Variants in CSMD2 observed in about 807,000 individuals in gnomAD.
CSMD2 encodes the protein CUB and sushi domain-containing protein 2.
In CSMD2, 130 loss-of-function variants were observed where a neutral mutation model predicts 398.5. The observed-to-expected ratio is 0.33, with a 90% confidence interval of 0.28 to 0.38. The LOEUF is 0.38. Among genes scored for constraint, CSMD2 ranks in the 10% least tolerant of loss-of-function variants. The pLI, the probability that CSMD2 is intolerant of heterozygous loss-of-function variation, is 1.00. For missense variants in CSMD2, 3,829 were observed against 4,764.9 expected (o/e 0.80, Z 5.78); for synonymous variants, 1,828 against 1,908.5 (o/e 0.96, Z 1.10).
intron 3 of CSMD2, among the ~76,000 whole-genome samples, chr1:33,995,334 A>G (rs1646692941): frequency 6.6e-6 from 1 of 152,186 alleles, no homozygotes; most frequent in Non-Finnish European, 1.5e-5. Flanking sequence ...GACTCACCCA[A>G]GTTAAGCCCT....
chr1:33,736,345 G>A (rs1479779360), intron 15 of CSMD2, among the ~76,000 whole-genome samples: 6 of 152,106 alleles, frequency 3.9e-5, no homozygotes, highest in African/African-American at 1.2e-4. Context: ...GCTGGGTGTG[G>A]TGGTGGGCGC....
rs966103231 is a variant in CSMD2 at position 33,637,027 on chromosome 1, C to G, written c.4775-473G>C. Among the ~76,000 whole-genome samples the G allele has an allele frequency of 2.0e-5, 3 of 152,228 alleles. No individual in the cohort carries two copies. In the South Asian group the frequency reaches 6.2e-4, roughly 32 times the overall value. On this transcript the variant is annotated intron_variant, in intron 29 of 70. Coordinates refer to ENST00000373381, the MANE Select transcript of CSMD2 (RefSeq NM_001281956.2). ...GCAGCCTCCTGGCCTTTTGTGTTCA[C>G]CTGAGAAGCAGGGCAGACAGTCTGC...
chr1:33,857,443 G>T (rs1639179334), intron 5 of CSMD2, among the ~76,000 whole-genome samples: 1 of 152,102 alleles, frequency 6.6e-6, no homozygotes, highest in Non-Finnish European at 1.5e-5. Context: ...GAGTAGAGTT[G>T]TAGCTGGCCC....
At chr1:34,037,421 C>T (rs1256757143) in intron 2 of CSMD2, among the ~76,000 whole-genome samples, 2 of 152,206 alleles carry the variant, frequency 1.3e-5, no homozygotes, top group Non-Finnish European at 2.9e-5. Context: ...CACCAGTTGC[C>T]CTTTCCCTCC....
At chr1:33,735,443 A>T (rs748375746) in intron 15 of CSMD2, among the ~76,000 whole-genome samples, 4 of 152,100 alleles carry the variant, frequency 2.6e-5, no homozygotes, top group Non-Finnish European at 4.4e-5. Flanking sequence ...TGCCTTCACT[A>T]CCCGGAAGTC....
In CSMD2 at chr1:33,918,083, G is replaced by A. The variant is rs1208937853; in HGVS notation, c.920+11C>T. ...GAATAGGGTAGGAAAGGAAGGTGAT[G>A]TTGTGCTTACCAGAGGGAGGAGCCT... is the stretch of plus-strand genomic sequence containing the variant. On this transcript the variant is annotated intron_variant, in intron 5 of 70. Transcript: ENST00000373381. The A allele has an allele frequency of 5.0e-6, 8 of 1,611,374 alleles. No homozygotes were observed. The East Asian group carries it at 1.8e-4, about 36-fold the overall frequency.
chr1:33,888,966 T>C (rs1484714676), intron 5 of CSMD2, among the ~76,000 whole-genome samples: 4 of 152,066 alleles, frequency 2.6e-5, no homozygotes, highest in Admixed American at 2.0e-4. Context: ...GAGACGGAGT[T>C]TCACCATGTT....
chr1:34,161,327 T>A (rs1286052146), intron 1 of CSMD2, among the ~76,000 whole-genome samples: 1 of 152,140 alleles, frequency 6.6e-6, no homozygotes, highest in Non-Finnish European at 1.5e-5. Context: ...TCAGGAGAGA[T>A]GTCTTGGCAG....
Position 33,636,313 on chromosome 1 carries a change from C to A in CSMD2, c.4969+47G>T. On this transcript the variant is annotated intron_variant, in intron 30 of 70. Coordinates refer to ENST00000373381, the MANE Select transcript of CSMD2 (RefSeq NM_001281956.2). The surrounding 1 kb of genome is among the most constrained non-coding windows in gnomAD (Gnocchi z 4.8). ...AGCCCACAGCACCCTCTGCCCCTGG[C>A]ATGCCCTCAGTTCCTCAGACCCCTG... 6.6e-7 allele frequency: 1 copy of A among 1,516,462 alleles called. No individual in the cohort carries two copies. Among genetic ancestry groups the A allele is most frequent in the East Asian group, 2.5e-5 (1 of 40,596 alleles). The allele number at this position is 1,516,462 out of a possible 1,614,324, so 93.9% of individuals were successfully genotyped here.
intron 4 of CSMD2, among the ~76,000 whole-genome samples, chr1:33,920,302 G>A (rs1178242462): frequency 6.6e-6 from 1 of 151,664 alleles, no homozygotes; most frequent in Non-Finnish European, 1.5e-5. Context: ...GCCGAGGTGG[G>A]CGGATCAACT....
intron 55 of CSMD2, among the ~76,000 whole-genome samples, chr1:33,551,238 C>T (rs1043922623): frequency 6.6e-6 from 1 of 152,108 alleles, no homozygotes; most frequent in Admixed American, 6.5e-5. Context: ...TGAGCCAGGA[C>T]AGAATGGAAG....
At chr1:33,601,045 A>G in intron 43 of CSMD2, 35 bp from the exon 44 acceptor site, 1 of 1,612,946 alleles carries the variant, frequency 6.2e-7, no homozygotes, top group South Asian at 1.1e-5. Flanking sequence ...GCATGTCACT[A>G]GTCACCATGG....
intron 22 of CSMD2, among the ~76,000 whole-genome samples, chr1:33,704,488 C>T (rs919426965): frequency 2.6e-5 from 4 of 152,028 alleles, no homozygotes; most frequent in Non-Finnish European, 5.9e-5. Context: ...TAGGAAAGTT[C>T]TATTTGTAGT....
At chr1:34,078,233 G>C (rs141043544) in intron 2 of CSMD2, among the ~76,000 whole-genome samples, 2 of 151,974 alleles carry the variant, frequency 1.3e-5, no homozygotes, top group African/African-American at 4.8e-5. Context: ...CCCACTGTCT[G>C]TGTGGGAAGG....
intron 1 of CSMD2, among the ~76,000 whole-genome samples, chr1:34,135,319 C>T (rs975561598): frequency 6.0e-5 from 9 of 150,648 alleles, no homozygotes; most frequent in Admixed American, 4.0e-4. Context: ...TGGGGTAGCC[C>T]AAAACTAGAA....
rs1655473342 is a variant in CSMD2, at chr1:33,533,671, G to A, written c.9991+125C>T. 4.5e-6 allele frequency: 3 copies of A among 661,046 alleles called. No individual in the cohort carries two copies. The Admixed American group carries it at 7.7e-5, about 17-fold the overall frequency. The allele number at this position is 661,046 out of a possible 1,614,324, so 40.9% of individuals were successfully genotyped here. On this transcript the variant is annotated intron_variant, in intron 63 of 70. Coordinates refer to ENST00000373381, the MANE Select transcript of CSMD2 (RefSeq NM_001281956.2). The surrounding 1 kb of genome is among the most constrained non-coding windows in gnomAD (Gnocchi z 4.2). ...GGCCCCAAAGTGTAAGGACTACAAA[G>A]AGACCGATGTCGGTTCGCATGGGGA...
chr1:33,567,694 C>G lies in CSMD2; in HGVS notation c.8279G>C (p.Ser2760Thr). ...GCCAGCATTGCATTGGTACACCACA[C>G]TGCCCCGGTAGCTGTAGTTCTCCCC... ...INGENYSYRG[S>T]VVYQCNAGFR... The change falls in exon 53 of 71, where the codon AGT becomes ACT. Residue 2760 changes from serine to threonine, a missense_variant. Around this residue, in one of 5 missense-constraint regions of CSMD2, gnomAD observed 917 missense variants for 1,199.5 expected, o/e 0.76. Coordinates refer to ENST00000373381, the MANE Select transcript of CSMD2 (RefSeq NM_001281956.2). 1.2e-6 allele frequency: 2 copies of G among 1,614,214 alleles called. No individual in the cohort carries two copies. The highest frequency in any genetic ancestry group is 1.7e-6 in the Non-Finnish European group (2 of 1,180,040).
intron 62 of CSMD2, among the ~76,000 whole-genome samples, chr1:33,536,649 G>A (rs1293842260): frequency 9.9e-5 from 15 of 152,216 alleles, no homozygotes; most frequent in Admixed American, 9.2e-4. Flanking sequence ...CCTGCCTCCT[G>A]TGTGGCACAT....
intron 3 of CSMD2, among the ~76,000 whole-genome samples, chr1:34,007,118 C>T (rs749951508): frequency 4.6e-5 from 7 of 152,116 alleles, no homozygotes; most frequent in Non-Finnish European, 7.4e-5. Context: ...TCCAGAATTG[C>T]ATCCAAGATG....
Sources: allele counts gnomAD v4.1 joint callset (sites outside exome capture counted in the v4.1 genomes callset), GRCh38; gene constraint gnomAD v4.1.1; regional missense constraint gnomAD v4.1.1; non-coding constraint Gnocchi (gnomAD v3.1); transcripts MANE v1.5; gene names NCBI Gene and HGNC (gene_info 2026-07-23, HGNC 2026-07-21).